Variants in SYNJ2 observed in about 807,000 individuals in gnomAD.
SYNJ2 encodes the protein synaptojanin 2, also known as polyphosphatidylinositol phosphatase SYNJ2.
Under a neutral mutation model 141.3 loss-of-function variants are expected in SYNJ2, and 116 were observed. The ratio of observed to expected loss-of-function variants is 0.82; its 90% CI spans 0.71 to 0.96. SYNJ2 has a LOEUF of 0.96. Ranked by LOEUF, SYNJ2 falls within the 40% of genes least tolerant of loss-of-function variation. The probability of loss-of-function intolerance (pLI) is 0.00; values close to 1 mark genes in which losing one functional copy is unlikely to be tolerated. For synonymous variants in SYNJ2, 745 were observed against 777.7 expected (o/e 0.96, Z 0.70); for missense variants, 1,873 against 1,934.8 (o/e 0.97, Z 0.60).
intron 1 of SYNJ2, among the ~76,000 whole-genome samples, chr6:157,996,344 C>T (rs1777631989): frequency 6.6e-6 from 1 of 152,068 alleles, no homozygotes. Context: ...GCAGCCACTG[C>T]CCCATGTGCT....
chr6:158,074,647 C>T lies in SYNJ2; in HGVS notation c.2201C>T (p.Thr734Ile), dbSNP rs1782151535. 8.7e-6 allele frequency: 14 copies of T among 1,614,040 alleles called. No individual in the cohort carries two copies. Among genetic ancestry groups the T allele is most frequent in the Non-Finnish European group, 1.2e-5 (14 of 1,179,994 alleles). Residue 734 changes from threonine to isoleucine, a missense_variant, in exon 16 of 27, where the codon ACT (threonine) becomes ATT (isoleucine). Thr to Ile is a moderately conservative substitution (Grantham distance 89). Coordinates refer to ENST00000355585, the MANE Select transcript of SYNJ2 (RefSeq NM_003898.4). Reference protein sequence around the residue: ...CGDFNYRIDLTYEEVFYFVKR... With the variant: ...CGDFNYRIDLIYEEVFYFVKR... ...GATTTCAACTACCGCATTGATCTTA[C>T]TTATGAAGAAGTCTTCTATTTTGTT...
chr6:158,038,939 G>T (rs537584991), intron 4 of SYNJ2, among the ~76,000 whole-genome samples: 163 of 152,338 alleles, frequency 1.1e-3, no homozygotes, highest in African/African-American at 3.8e-3. Context: ...AGCAGAGAGG[G>T]TTCATGCTTC....
chr6:158,017,332 G>A (rs749783326), intron 2 of SYNJ2, 42 bp downstream of exon 2: 27 of 1,583,458 alleles, frequency 1.7e-5, no homozygotes, highest in South Asian at 1.3e-4. Context: ...CAGGCTCCCC[G>A]GTGGGCAGGA....
intron 1 of SYNJ2, among the ~76,000 whole-genome samples, chr6:157,983,295 C>T (rs921302423): frequency 2.0e-5 from 3 of 152,208 alleles, no homozygotes; most frequent in Non-Finnish European, 4.4e-5. Context: ...CTCCAGTAGT[C>T]TCAGCATCAA....
intron 18 of SYNJ2, chr6:158,079,043 C>T (rs1449087183): frequency 6.6e-6 from 1 of 152,374 alleles, no homozygotes; most frequent in African/African-American, 2.4e-5. Context: ...GATCCACCCA[C>T]CTTGGCCTCT....
chr6:158,017,292 T>C lies in SYNJ2; in HGVS notation c.214+2T>C, dbSNP rs1319750439. The C allele has an allele frequency of 1.9e-6, 3 of 1,611,004 alleles. No individual in the cohort carries two copies. Among genetic ancestry groups the C allele is most frequent in the Non-Finnish European group, 2.5e-6 (3 of 1,179,058 alleles). On this transcript the variant is annotated splice_donor_variant, in intron 2 of 26. Transcript: ENST00000355585. LOFTEE classifies it high-confidence loss of function. ...TGGGGGAGCTGAGGCTGAAATCTGGTGAGTAGCCGCTCGCTGGAGGAGCAG... is the reference window on the plus strand; with the variant it reads ...TGGGGGAGCTGAGGCTGAAATCTGGCGAGTAGCCGCTCGCTGGAGGAGCAG...
intron 21 of SYNJ2, 57 bp downstream of exon 21, chr6:158,083,654 CT>C: frequency 6.2e-7 from 1 of 1,602,514 alleles, no homozygotes; most frequent in Non-Finnish European, 8.5e-7. Flanking sequence ...CAGGCCTGAG[CT>C]TTTAAGGACA....
At chr6:157,991,261 C>G (rs1276461292) in intron 1 of SYNJ2, among the ~76,000 whole-genome samples, 7 of 152,184 alleles carry the variant, frequency 4.6e-5, no homozygotes, top group African/African-American at 1.7e-4. Context: ...GAACACCTCC[C>G]CTCCTCACCC....
intron 1 of SYNJ2, among the ~76,000 whole-genome samples, chr6:158,010,759 T>A (rs891527771): frequency 9.2e-5 from 14 of 152,066 alleles, no homozygotes; most frequent in Admixed American, 5.9e-4. Context: ...TCTAAGAAGA[T>A]GTACATGTGA....
intron 14 of SYNJ2, among the ~76,000 whole-genome samples, chr6:158,069,947 G>C (rs940633714): frequency 6.6e-6 from 1 of 152,186 alleles, no homozygotes; most frequent in African/African-American, 2.4e-5. Flanking sequence ...GCTCAATTCC[G>C]TGCAAGGAAA....
Position 158,004,933 on chromosome 6 carries a change from C to T in SYNJ2, c.128-12271C>T, listed in dbSNP as rs1438581050. ...TGATCCTTCGGAGGACCTTCGCCCC[C>T]TCTCCTCCAGTGAGTGACCCCACCC... On this transcript the variant is annotated intron_variant, in intron 1 of 26. Coordinates refer to ENST00000355585, the MANE Select transcript of SYNJ2 (RefSeq NM_003898.4). Among the ~76,000 whole-genome samples, 3 of 152,192 alleles carry T rather than the reference C, an allele frequency of 2.0e-5. No homozygotes were observed. The East Asian group carries it at 5.8e-4, about 29-fold the overall frequency.
At chr6:158,025,670 T>C (rs1469083631) in intron 2 of SYNJ2, among the ~76,000 whole-genome samples, 2 of 133,618 alleles carry the variant, frequency 1.5e-5, no homozygotes, top group African/African-American at 5.9e-5. Flanking sequence ...CAAAAAAAAA[T>C]AGCCGGGCGT....
intron 1 of SYNJ2, among the ~76,000 whole-genome samples, chr6:158,016,682 G>A (rs1376987819): frequency 1.3e-5 from 2 of 152,114 alleles, no homozygotes; most frequent in Non-Finnish European, 2.9e-5. Flanking sequence ...GCCTTGGCTT[G>A]AGCATGGACA....
intron 4 of SYNJ2, among the ~76,000 whole-genome samples, chr6:158,042,328 C>T (rs977998129): frequency 6.6e-6 from 1 of 152,180 alleles, no homozygotes; most frequent in Admixed American, 6.5e-5. Context: ...TTCCTGTGGC[C>T]CAGGGAAACA....
chr6:157,997,368 T>C (rs745785050), intron 1 of SYNJ2, among the ~76,000 whole-genome samples: 2 of 152,118 alleles, frequency 1.3e-5, no homozygotes, highest in Non-Finnish European at 2.9e-5. Flanking sequence ...TTTAATCCAA[T>C]GTGACTGGCG....
In SYNJ2 at chr6:157,982,145, G is replaced by A; in HGVS notation, c.127+57G>A. ...AGGAGAGGGCGCCCGCATTCGCCCA[G>A]CCTCGGGAAGACGGGTACCCCCCCT... On this transcript the variant is annotated intron_variant, in intron 1 of 26. Coordinates refer to ENST00000355585, the MANE Select transcript of SYNJ2 (RefSeq NM_003898.4). The surrounding 1 kb of genome is among the most constrained non-coding windows in gnomAD (Gnocchi z 4.0). 7.8e-7 allele frequency: 1 copy of A among 1,283,020 alleles called. No homozygotes were observed. Among genetic ancestry groups the A allele is most frequent in the Non-Finnish European group, 9.9e-7 (1 of 1,014,070 alleles). The allele number at this position is 1,283,020 out of a possible 1,614,324, so 79.5% of individuals were successfully genotyped here. A position where few individuals can be genotyped will look rare whatever the true frequency, so the allele number is the denominator to read the frequency against.
At chr6:158,011,092 A>G (rs1024092469) in intron 1 of SYNJ2, among the ~76,000 whole-genome samples, 1 of 151,574 alleles carries the variant, frequency 6.6e-6, no homozygotes, top group Non-Finnish European at 1.5e-5. Flanking sequence ...GGATGGCCAC[A>G]TGACAATTGG....
At chr6:158,094,774 C>T (rs1783697294) in intron 26 of SYNJ2, among the ~76,000 whole-genome samples, 1 of 152,216 alleles carries the variant, frequency 6.6e-6, no homozygotes, top group Non-Finnish European at 1.5e-5. Context: ...TTTGCCTGTG[C>T]AGTTGTTTTC....
At chr6:157,995,816 C>T (rs184311477) in intron 1 of SYNJ2, among the ~76,000 whole-genome samples, 20 of 152,334 alleles carry the variant, frequency 1.3e-4, no homozygotes, top group Non-Finnish European at 4.4e-5. Flanking sequence ...AATCAATAGC[C>T]TTCCCATAAT....
Sources: allele counts gnomAD v4.1 joint callset (sites outside exome capture counted in the v4.1 genomes callset), GRCh38; gene constraint gnomAD v4.1.1; non-coding constraint Gnocchi (gnomAD v3.1); transcripts MANE v1.5; gene names NCBI Gene and HGNC (gene_info 2026-07-23, HGNC 2026-07-21).